TBC1D5: variants seen among roughly 807,000 people sequenced by gnomAD.
The protein encoded by TBC1D5 is TBC1 domain family, member 5.
Under a neutral mutation model 100.3 loss-of-function variants are expected in TBC1D5, and 75 were observed. That is an observed-to-expected ratio of 0.75 (90% confidence interval 0.62 to 0.91). TBC1D5 has a LOEUF of 0.91. TBC1D5 is among the 40% of genes least tolerant of loss of function. The pLI, the probability that TBC1D5 is intolerant of heterozygous loss-of-function variation, is 0.00. For synonymous variants in TBC1D5, 323 were observed against 325.6 expected (o/e 0.99, Z 0.09); for missense variants, 910 against 942.4 (o/e 0.97, Z 0.45).
At chr3:17,563,244 T>C (rs78172794) in intron 2 of TBC1D5, among the ~76,000 whole-genome samples, 2,518 of 152,274 alleles carry the variant, frequency 0.017, 50 homozygotes, top group South Asian at 0.048. Flanking sequence ...GGATCCATCA[T>C]GGAATCCAAG....
chr3:17,419,152 G>A (rs113401126), intron 4 of TBC1D5, among the ~76,000 whole-genome samples: 11 of 152,284 alleles, frequency 7.2e-5, no homozygotes, highest in African/African-American at 1.4e-4. Context: ...ATACACATAC[G>A]TCTGTAACAA....
intron 3 of TBC1D5, among the ~76,000 whole-genome samples, chr3:17,469,963 T>C (rs572179505): frequency 6.6e-6 from 1 of 152,370 alleles, no homozygotes; most frequent in East Asian, 1.9e-4. Context: ...TCATCTCATT[T>C]TGATCCACCT....
At chr3:17,617,153 G>A (rs1362192136) in intron 2 of TBC1D5, among the ~76,000 whole-genome samples, 1 of 152,120 alleles carries the variant, frequency 6.6e-6, no homozygotes, top group Admixed American at 6.5e-5. Flanking sequence ...ATGAAGCTTA[G>A]TTTGGTTGGA....
intron 3 of TBC1D5, among the ~76,000 whole-genome samples, chr3:17,494,823 T>C (rs1168673207): frequency 1.3e-5 from 2 of 152,214 alleles, no homozygotes; most frequent in Non-Finnish European, 2.9e-5. Context: ...GTCTCCAGCC[T>C]GCTGCTAGCT....
At chr3:17,668,775 C>T (rs1163085581) in intron 1 of TBC1D5, among the ~76,000 whole-genome samples, 1 of 151,860 alleles carries the variant, frequency 6.6e-6, no homozygotes, top group Non-Finnish European at 1.5e-5. Flanking sequence ...GTTCTGGTCC[C>T]ACTGCTGTCA....
chr3:17,689,757 G>T (rs1199731124), intron 1 of TBC1D5, among the ~76,000 whole-genome samples: 1 of 152,124 alleles, frequency 6.6e-6, no homozygotes, highest in Non-Finnish European at 1.5e-5. Context: ...GGGACATTTG[G>T]CAATGTCTAG....
chr3:17,187,894 T>A (rs1210848804), intron 18 of TBC1D5, among the ~76,000 whole-genome samples: 2 of 152,250 alleles, frequency 1.3e-5, no homozygotes, highest in Admixed American at 1.3e-4. Flanking sequence ...ATTTACTCCA[T>A]GCATTAGTTT....
chr3:17,550,612 A>T (rs922511065), intron 2 of TBC1D5, among the ~76,000 whole-genome samples: 3 of 152,134 alleles, frequency 2.0e-5, no homozygotes, highest in Non-Finnish European at 4.4e-5. Flanking sequence ...GGTAAGAAGC[A>T]CTCTAATCTA....
At chr3:17,543,891 C>T in intron 2 of TBC1D5, among the ~76,000 whole-genome samples, 1 of 149,958 alleles carries the variant, frequency 6.7e-6, no homozygotes, top group Non-Finnish European at 1.5e-5. Context: ...TTTTTTGAGA[C>T]AGAGTCTTGC....
chr3:17,627,760 A>G (rs981797603), intron 1 of TBC1D5, among the ~76,000 whole-genome samples: 4 of 152,012 alleles, frequency 2.6e-5, no homozygotes, highest in Non-Finnish European at 4.4e-5. Context: ...TTAAACATAT[A>G]ATTTCTTACT....
chr3:17,406,389 GAAACTGTA>G (rs2093771102), intron 5 of TBC1D5, 21 bp downstream of exon 5: 1 of 1,593,212 alleles, frequency 6.3e-7, no homozygotes. Context: ...ATTGCAACCA[GAAACTGTA>G]AATAAATATT....
chr3:17,456,032 T>TAACATACATCAGGGAAAAGAC (rs1270932876), intron 3 of TBC1D5, among the ~76,000 whole-genome samples: 1 of 152,052 alleles, frequency 6.6e-6, no homozygotes, highest in Non-Finnish European at 1.5e-5. Context: ...AAGGTGCCAC[T>TAACATACATCAGGGAAAAGAC]AACATACATC....
intron 2 of TBC1D5, among the ~76,000 whole-genome samples, chr3:17,614,999 AAT>A (rs2062023503): frequency 6.6e-6 from 1 of 152,214 alleles, no homozygotes; most frequent in Admixed American, 6.5e-5. Flanking sequence ...TTGCCCATTC[AAT>A]ATGATATTGG....
At chr3:17,271,828 T>C (rs2079456214) in intron 15 of TBC1D5, among the ~76,000 whole-genome samples, 1 of 152,214 alleles carries the variant, frequency 6.6e-6, no homozygotes, top group African/African-American at 2.4e-5. Context: ...TATTGGATTT[T>C]ACCAAAAGAT....
chr3:17,498,265 G>A (rs1192472178), intron 3 of TBC1D5, among the ~76,000 whole-genome samples: 1 of 151,740 alleles, frequency 6.6e-6, no homozygotes, highest in Non-Finnish European at 1.5e-5. Context: ...TACTAGTATT[G>A]TATGAAAAAA....
At chr3:17,628,883 TGA>T (rs1253998468) in intron 1 of TBC1D5, among the ~76,000 whole-genome samples, 1 of 152,246 alleles carries the variant, frequency 6.6e-6, no homozygotes, top group African/African-American at 2.4e-5. Context: ...TTTTCCTGTA[TGA>T]TATAGTGAAC....
At chr3:17,434,393 C>T (rs2094498413) in intron 3 of TBC1D5, among the ~76,000 whole-genome samples, 1 of 152,198 alleles carries the variant, frequency 6.6e-6, no homozygotes, top group Non-Finnish European at 1.5e-5. Flanking sequence ...CCCACAGGCC[C>T]AACACAATGT....
chr3:17,264,683 T>G (rs1025077725), intron 15 of TBC1D5, among the ~76,000 whole-genome samples: 1 of 152,206 alleles, frequency 6.6e-6, no homozygotes, highest in Non-Finnish European at 1.5e-5. Context: ...GCTCCATCCA[T>G]TACTAGTGGA....
intron 2 of TBC1D5, among the ~76,000 whole-genome samples, chr3:17,520,806 T>C (rs1197254011): frequency 6.6e-6 from 1 of 152,166 alleles, no homozygotes; most frequent in Non-Finnish European, 1.5e-5. Flanking sequence ...GAAAATCAAA[T>C]TTAACAAGGA....
Sources: gnomAD v4.1 joint callset for allele counts (sites outside exome capture counted in the v4.1 genomes callset) on GRCh38, gnomAD v4.1.1 for gene constraint, MANE v1.5 for transcripts, NCBI Gene and HGNC (gene_info 2026-07-23, HGNC 2026-07-21) for gene names.